Variants in CSMD1 observed in about 807,000 individuals in gnomAD.
The protein encoded by CSMD1 is CUB and sushi domain-containing protein 1.
In CSMD1, 213 loss-of-function variants were observed where a neutral mutation model predicts 417.5. That is an observed-to-expected ratio of 0.51 (90% confidence interval 0.46 to 0.57). CSMD1 has a LOEUF of 0.57. Ranked by LOEUF, CSMD1 falls within the 20% of genes least tolerant of loss-of-function variation. The pLI is 0.00. For synonymous variants in CSMD1, 2,862 were observed against 1,736.8 expected, an observed-to-expected ratio of 1.65 and a Z score of -16.11; for missense variants, 6,923 against 4,529.7, an observed-to-expected ratio of 1.53 and a Z score of -15.17.
In CSMD1 at chr8:4,800,282, T is replaced by C. The variant is rs529082764; in HGVS notation, c.86-162724A>G. Among the ~76,000 whole-genome samples, 58 of 151,764 alleles carry C rather than the reference T, an allele frequency of 3.8e-4. 1 individual carries two copies. The East Asian group carries it at 9.0e-3, about 23-fold the overall frequency. Reference sequence around the variant, plus strand: ...CAATCGCAACTAAAAATACAAAAAATTAGCTGGGCATGGTGGTGCACACAT... The same window carrying C: ...CAATCGCAACTAAAAATACAAAAAACTAGCTGGGCATGGTGGTGCACACAT... On this transcript the variant is annotated intron_variant, in intron 1 of 69. Transcript: ENST00000635120.
chr8:3,808,604 C>T (rs1326119361), intron 5 of CSMD1, among the ~76,000 whole-genome samples: 1 of 152,168 alleles, frequency 6.6e-6, no homozygotes, highest in African/African-American at 2.4e-5. Flanking sequence ...ACACTGCTGT[C>T]ACTATTATCA....
intron 3 of CSMD1, among the ~76,000 whole-genome samples, chr8:4,363,298 G>C (rs1294231214): frequency 1.3e-5 from 2 of 152,040 alleles, no homozygotes; most frequent in African/African-American, 4.8e-5. Flanking sequence ...TTTCCCTCCT[G>C]CCCGTCATGA....
chr8:3,646,993 C>T (rs1310218044), intron 7 of CSMD1, among the ~76,000 whole-genome samples: 3 of 152,146 alleles, frequency 2.0e-5, no homozygotes, highest in Admixed American at 6.5e-5. Flanking sequence ...GGGCCAGATA[C>T]GCATTTTTGA....
intron 3 of CSMD1, among the ~76,000 whole-genome samples, chr8:4,362,964 A>G (rs185237548): frequency 3.9e-5 from 6 of 152,314 alleles, no homozygotes; most frequent in East Asian, 1.9e-4. Flanking sequence ...CCAAATATCT[A>G]AAAACTGCTA....
At chr8:4,238,095 A>G (rs192252910) in intron 3 of CSMD1, among the ~76,000 whole-genome samples, 1 of 152,298 alleles carries the variant, frequency 6.6e-6, no homozygotes, top group African/African-American at 2.4e-5. Context: ...TTTAAGATTG[A>G]GACACAATTT....
intron 1 of CSMD1, among the ~76,000 whole-genome samples, chr8:4,748,343 G>C (rs1168559512): frequency 2.0e-5 from 3 of 152,246 alleles, no homozygotes; most frequent in African/African-American, 7.2e-5. Context: ...TGTGCATATG[G>C]AAATTTGTTT....
chr8:4,820,343 G>C (rs916770384), intron 1 of CSMD1, among the ~76,000 whole-genome samples: 3 of 152,118 alleles, frequency 2.0e-5, no homozygotes, highest in African/African-American at 4.8e-5. Context: ...ATTATAAAAA[G>C]GTAAGAATGA....
rs376088564 is a variant in CSMD1 at position 3,586,785 on chromosome 8, ACTTTT to A, written c.1098-530_1098-526del. Among the ~76,000 whole-genome samples the A allele has an allele frequency of 2.8e-4, 43 of 152,260 alleles. No individual in the cohort carries two copies. In the South Asian group the frequency reaches 8.1e-3, roughly 29 times the overall value. The stretch of plus-strand genomic sequence containing the variant: ...AATTCTTATAGGAACAGAATATTTT[ACTTTT>A]CTTTTGTTTGTTTGTTTGTTTTGTT... On this transcript the variant is annotated intron_variant, in intron 8 of 69. Transcript: ENST00000635120.
At chr8:4,480,246 G>A (rs1271260851) in intron 2 of CSMD1, among the ~76,000 whole-genome samples, 1 of 151,608 alleles carries the variant, frequency 6.6e-6, no homozygotes, top group South Asian at 2.1e-4. Context: ...GAAAAAGCAG[G>A]ACTTCTCATG....
intron 2 of CSMD1, among the ~76,000 whole-genome samples, chr8:4,449,273 A>T (rs77972603): frequency 2.6e-5 from 4 of 152,330 alleles, no homozygotes; most frequent in South Asian, 4.1e-4. Flanking sequence ...TATTGAAAGG[A>T]AACTCAGAAA....
At chr8:4,307,230 T>C (rs1048355146) in intron 3 of CSMD1, among the ~76,000 whole-genome samples, 2 of 152,204 alleles carry the variant, frequency 1.3e-5, no homozygotes, top group African/African-American at 4.8e-5. Flanking sequence ...ATACAGCTCA[T>C]TTGTGAGTCT....
At chr8:3,152,702 C>T (rs1369555318) in intron 39 of CSMD1, among the ~76,000 whole-genome samples, 1 of 152,182 alleles carries the variant, frequency 6.6e-6, no homozygotes, top group Non-Finnish European at 1.5e-5. Flanking sequence ...AGTCATAATT[C>T]TGGAAAAGTC....
At chr8:4,048,792 T>C (rs1798277762) in intron 3 of CSMD1, among the ~76,000 whole-genome samples, 1 of 152,204 alleles carries the variant, frequency 6.6e-6, no homozygotes, top group African/African-American at 2.4e-5. Flanking sequence ...AATGTTATTA[T>C]ACAGTATATG....
intron 1 of CSMD1, among the ~76,000 whole-genome samples, chr8:4,763,470 G>A (rs145543831): frequency 1.3e-5 from 2 of 152,106 alleles, no homozygotes; most frequent in African/African-American, 4.8e-5. Context: ...GACATGATGA[G>A]AGCTCCATAA....
intron 5 of CSMD1, among the ~76,000 whole-genome samples, chr8:3,945,194 A>C (rs967792882): frequency 9.9e-5 from 15 of 151,556 alleles, no homozygotes; most frequent in African/African-American, 2.9e-4. Context: ...AAAAAAAAAA[A>C]AAACAGAAGC....
intron 3 of CSMD1, among the ~76,000 whole-genome samples, chr8:4,273,996 C>T (rs1804764483): frequency 6.6e-6 from 1 of 151,992 alleles, no homozygotes; most frequent in South Asian, 2.1e-4. Flanking sequence ...CAGTGATAAC[C>T]GCATGCATTT....
intron 10 of CSMD1, among the ~76,000 whole-genome samples, chr8:3,520,696 C>A (rs1348630868): frequency 6.6e-6 from 1 of 151,966 alleles, no homozygotes; most frequent in African/African-American, 2.4e-5. Flanking sequence ...TGTTTTTCTA[C>A]CTTCTGCTTG....
At position 4,994,430 on chromosome 8, in the gene CSMD1, C is replaced by T. The variant is rs774796028; in HGVS notation, c.-14G>A. The T allele has an allele frequency of 6.2e-7, 1 of 1,608,308 alleles. No homozygotes were observed. The highest frequency in any genetic ancestry group is 1.7e-4 in the Middle Eastern group (1 of 6,060). ...CCACGCAGTCATGTCTGCAGATACT[C>T]CACACGCACGCGACACCGATGGCTC... On this transcript the variant is annotated 5_prime_UTR_variant, in exon 1 of 70. Coordinates refer to ENST00000635120, the MANE Select transcript of CSMD1 (RefSeq NM_033225.6).
chr8:4,449,481 T>C (rs553109936), intron 2 of CSMD1, among the ~76,000 whole-genome samples: 21 of 152,210 alleles, frequency 1.4e-4, no homozygotes, highest in Non-Finnish European at 2.8e-4. Context: ...CCATCATCCT[T>C]CAGTGTAATA....
Sources: allele counts gnomAD v4.1 joint callset (sites outside exome capture counted in the v4.1 genomes callset), GRCh38; gene constraint gnomAD v4.1.1; transcripts MANE v1.5; gene names NCBI Gene and HGNC (gene_info 2026-07-23, HGNC 2026-07-21).